The following NRXN1 variants were observed in gnomAD, a reference collection of about 807,000 sequenced individuals.
NRXN1 encodes neurexin 1.
In NRXN1, 39 loss-of-function variants were observed where a neutral mutation model predicts 150.9. The observed-to-expected ratio is 0.26, with a 90% CI of 0.20 to 0.34. The LOEUF is 0.34. Ranked by LOEUF, NRXN1 falls within the 10% of genes least tolerant of loss-of-function variation. The pLI, the probability that NRXN1 is intolerant of heterozygous loss-of-function variation, is 1.00. For synonymous variants in NRXN1, 924 were observed against 757.0 expected (o/e 1.22, Z -3.62); for missense variants, 1,815 against 1,949.9 (o/e 0.93, Z 1.30).
chr2:50,907,967 A>T (rs1683958588), intron 5 of NRXN1, among the ~76,000 whole-genome samples: 1 of 152,136 alleles, frequency 6.6e-6, no homozygotes, highest in African/African-American at 2.4e-5. Context: ...TCATCACTCA[A>T]CAAGACTCAG....
intron 21 of NRXN1, among the ~76,000 whole-genome samples, chr2:49,944,865 C>A (rs1672610793): frequency 1.3e-5 from 2 of 152,058 alleles, no homozygotes; most frequent in African/African-American, 2.4e-5. Flanking sequence ...TAACATAGGT[C>A]TTACTTCAAA....
intron 1 of NRXN1, among the ~76,000 whole-genome samples, chr2:51,031,257 A>G (rs1671500614): frequency 6.6e-6 from 1 of 152,148 alleles, no homozygotes; most frequent in Admixed American, 6.5e-5. Flanking sequence ...CAGCCAAAAG[A>G]AGAAGCGCTC....
At chr2:50,519,874 G>A (rs1045400393) in intron 12 of NRXN1, among the ~76,000 whole-genome samples, 5 of 151,782 alleles carry the variant, frequency 3.3e-5, no homozygotes, top group African/African-American at 9.7e-5. Flanking sequence ...ACTTCAACTG[G>A]CTCAGTGACC....
chr2:50,833,636 G>A (rs181832595), intron 5 of NRXN1, among the ~76,000 whole-genome samples: 60 of 152,290 alleles, frequency 3.9e-4, no homozygotes, highest in Non-Finnish European at 2.1e-4. Context: ...GATGCCATGG[G>A]TAAAGGTGGG....
At chr2:50,617,278 T>C (rs1238850978) in intron 8 of NRXN1, among the ~76,000 whole-genome samples, 3 of 151,928 alleles carry the variant, frequency 2.0e-5, no homozygotes, top group Admixed American at 1.3e-4. Flanking sequence ...CTACTATAAA[T>C]ACAAAAATTA....
intron 12 of NRXN1, among the ~76,000 whole-genome samples, chr2:50,527,175 C>A (rs1288636502): frequency 2.0e-5 from 3 of 152,128 alleles, no homozygotes; most frequent in East Asian, 3.9e-4. Context: ...TTGGTCCCCA[C>A]AAGGATTTTC....
intron 8 of NRXN1, among the ~76,000 whole-genome samples, chr2:50,601,497 T>C (rs1386726519): frequency 6.6e-6 from 1 of 152,212 alleles, no homozygotes; most frequent in East Asian, 1.9e-4. Context: ...TAACTCTCCG[T>C]AATTATGATC....
intron 22 of NRXN1, among the ~76,000 whole-genome samples, chr2:49,923,996 G>A (rs1668660034): frequency 6.6e-6 from 1 of 152,168 alleles, no homozygotes; most frequent in African/African-American, 2.4e-5. Context: ...TTTGATTACA[G>A]GAATTAATTT....
chr2:50,827,684 T>C (rs1229145016), intron 5 of NRXN1, among the ~76,000 whole-genome samples: 2 of 152,026 alleles, frequency 1.3e-5, no homozygotes, highest in Admixed American at 1.3e-4. Flanking sequence ...AGGACAACAG[T>C]GGAGGGAAGG....
chr2:50,176,774 T>C lies in NRXN1; in HGVS notation c.3546+60015A>G, dbSNP rs1378271162. On this transcript the variant is annotated intron_variant, in intron 18 of 22. Coordinates refer to ENST00000401669, the MANE Select transcript of NRXN1 (RefSeq NM_001330078.2). The stretch of plus-strand genomic sequence containing the variant: ...TCAAAAATTGGGGACCTTAAAGCAA[T>C]ACACCCCTGGTCTTCCCAAATCACT... 1.3e-5 allele frequency among the ~76,000 whole-genome samples: 2 copies of C among 152,200 alleles called. 1 individual carries two copies. The highest frequency in any genetic ancestry group is 4.1e-4 in the South Asian group (2 of 4,824).
intron 5 of NRXN1, among the ~76,000 whole-genome samples, chr2:50,826,486 A>C (rs1440724645): frequency 6.6e-6 from 1 of 152,122 alleles, no homozygotes; most frequent in Non-Finnish European, 1.5e-5. Flanking sequence ...TCTTGCTACT[A>C]GATGATGGTG....
chr2:51,005,044 T>C (rs116261593), intron 2 of NRXN1, among the ~76,000 whole-genome samples: 1,889 of 152,102 alleles, frequency 0.012, 39 homozygotes, highest in African/African-American at 0.042. Flanking sequence ...ATCTAGCTAT[T>C]TTTTAAAATA....
intron 2 of NRXN1, among the ~76,000 whole-genome samples, chr2:50,952,433 G>A (rs2104600135): frequency 6.6e-6 from 1 of 152,136 alleles, no homozygotes; most frequent in African/African-American, 2.4e-5. Context: ...AATATAAGCT[G>A]TTTTAATAAT....
intron 5 of NRXN1, among the ~76,000 whole-genome samples, chr2:50,677,503 A>G (rs1328373411): frequency 1.3e-5 from 2 of 152,156 alleles, no homozygotes; most frequent in Admixed American, 1.3e-4. Context: ...TAAAAAGCCT[A>G]CCATTTTGAC....
At chr2:50,953,430 G>A (rs1249797438) in intron 2 of NRXN1, among the ~76,000 whole-genome samples, 1 of 152,066 alleles carries the variant, frequency 6.6e-6, no homozygotes, top group Non-Finnish European at 1.5e-5. Flanking sequence ...AATGGTATAA[G>A]CATTTTACGT....
At chr2:50,478,400 G>C (rs1313731253) in intron 15 of NRXN1, among the ~76,000 whole-genome samples, 1 of 152,138 alleles carries the variant, frequency 6.6e-6, no homozygotes, top group Non-Finnish European at 1.5e-5. Context: ...CTAAGTTCAA[G>C]GCTTGTAAAA....
At chr2:50,753,695 G>A (rs1194366605) in intron 5 of NRXN1, among the ~76,000 whole-genome samples, 2 of 151,822 alleles carry the variant, frequency 1.3e-5, no homozygotes, top group African/African-American at 2.4e-5. Context: ...ACCAGAAAAG[G>A]TTTAAGTAGG....
At chr2:50,778,590 A>G (rs1170814549) in intron 5 of NRXN1, among the ~76,000 whole-genome samples, 1 of 152,156 alleles carries the variant, frequency 6.6e-6, no homozygotes, top group Non-Finnish European at 1.5e-5. Flanking sequence ...GGTTTAATGA[A>G]AGAGACAGAG....
intron 18 of NRXN1, among the ~76,000 whole-genome samples, chr2:50,206,248 C>A (rs1160660839): frequency 6.6e-6 from 1 of 151,744 alleles, no homozygotes; most frequent in South Asian, 2.1e-4. Flanking sequence ...CACACACACA[C>A]ACACACACAC....
Sources: allele counts gnomAD v4.1 joint callset (sites outside exome capture counted in the v4.1 genomes callset), GRCh38; gene constraint gnomAD v4.1.1; transcripts MANE v1.5; gene names NCBI Gene and HGNC (gene_info 2026-07-23, HGNC 2026-07-21).